Variants in PASD1 observed in about 807,000 individuals in gnomAD.
PASD1 encodes the protein circadian clock protein PASD1.
PASD1 carries 13 observed loss-of-function variants against 58.8 expected under a neutral mutation model. That is an observed-to-expected ratio of 0.22 (90% confidence interval 0.14 to 0.35). The LOEUF (loss-of-function observed/expected upper bound fraction) is 0.35, where lower values mean the gene tolerates loss of function less well. PASD1 is among the 10% of genes least tolerant of loss of function. The pLI, the probability that PASD1 is intolerant of heterozygous loss-of-function variation, is 1.00. For synonymous variants in PASD1, 236 were observed against 216.7 expected, an observed-to-expected ratio of 1.09 and a Z score of -0.78; for missense variants, 734 against 568.3, an observed-to-expected ratio of 1.29 and a Z score of -2.96.
intron 8 of PASD1, chrX:151,641,240 A>G (rs1417867856): frequency 2.7e-5 from 3 of 111,239 alleles, no homozygotes; most frequent in Non-Finnish European, 5.7e-5. Flanking sequence ...GAGGAGTTCA[A>G]AATGGCCCTT....
chrX:151,672,176 G>A lies in PASD1; in HGVS notation c.1438-7G>A, dbSNP rs1398006785. On this transcript the variant is annotated splice_region_variant and splice_polypyrimidine_tract_variant and intron_variant, in intron 13 of 15. Coordinates refer to ENST00000370357, the MANE Select transcript of PASD1 (RefSeq NM_173493.3). ...AGGGTGCTTTTATCTGTTGCCTTTC[G>A]ATGCAGCAGCAACTGGTGCAGCAAG... 5 of 1,142,680 alleles carry A rather than the reference G, an allele frequency of 4.4e-6. No individual in the cohort carries two copies. Among genetic ancestry groups the A allele is most frequent in the Middle Eastern group, 3.2e-4 (1 of 3,154 alleles). 94.2% of individuals were successfully genotyped at this position (1,142,680 alleles called of 1,213,427 possible). A position where few individuals can be genotyped will look rare whatever the true frequency, so the allele number is the denominator to read the frequency against.
chrX:151,638,244 T>C (rs988801446), intron 8 of PASD1, among the ~76,000 whole-genome samples: 1 of 105,991 alleles, frequency 9.4e-6, no homozygotes, highest in African/African-American at 3.5e-5. Flanking sequence ...AATTGAGAAA[T>C]GAGAACACTT....
rs745577380 is a variant in PASD1, at chrX:151,671,670, A to G, written c.1328A>G (p.Lys443Arg). Residue 443 changes from lysine (K) to arginine (R), a missense_variant, in exon 13 of 16, where the codon AAG becomes AGG. Physicochemically the swap from Lys to Arg is conservative, Grantham distance 26. Coordinates refer to ENST00000370357, the MANE Select transcript of PASD1 (RefSeq NM_173493.3). The stretch of plus-strand genomic sequence containing the variant: ...CAGAAACAACACGCTGGGCAAGTGA[A>G]GCGGCCTCTCCCACATCCCAAGGAC... ...KQQKQHAGQV[K>R]RPLPHPKDVK... 4.1e-6 allele frequency: 5 copies of G among 1,208,837 alleles called. No homozygotes were observed. The highest frequency in any genetic ancestry group is 5.6e-6 in the Non-Finnish European group (5 of 893,865).
chrX:151,638,167 C>T (rs996928180), intron 8 of PASD1, among the ~76,000 whole-genome samples: 2 of 110,655 alleles, frequency 1.8e-5, no homozygotes, highest in African/African-American at 3.3e-5. Flanking sequence ...TCATACAAAA[C>T]GATCATTCTC....
chrX:151,659,767 A>G lies in PASD1; in HGVS notation c.772A>G (p.Met258Val), dbSNP rs80111059. Residue 258 changes from methionine to valine, a missense_variant, in exon 10 of 16, where the codon ATG becomes GTG. Met to Val is a conservative substitution (Grantham distance 21, BLOSUM62 1). Transcript: ENST00000370357. ...GTATGGACCACAAGAAAACGTTCAC[A>G]TGTTTGTAGATTCTGATTCAACTTA... The part of the protein sequence containing the change: ...EQYGPQENVH[M>V]FVDSDSTYCS... 4.6e-4 allele frequency: 558 copies of G among 1,200,280 alleles called. 2 individuals are homozygous for G. In the African/African-American group the frequency reaches 8.6e-3, roughly 19 times the overall value.
chrX:151,641,475 C>T (rs1435966074), intron 8 of PASD1, among the ~76,000 whole-genome samples: 1 of 111,539 alleles, frequency 9.0e-6, no homozygotes, highest in African/African-American at 3.3e-5. Context: ...CTGAACTAAT[C>T]TATATGGTGT....
intron 1 of PASD1, among the ~76,000 whole-genome samples, chrX:151,584,648 T>C (rs1455856836): frequency 1.8e-5 from 2 of 111,823 alleles, no homozygotes; most frequent in African/African-American, 6.5e-5. Context: ...TTGGAATTGA[T>C]TTGTCTTGTA....
At chrX:151,662,671 C>T (rs1431460243) in intron 10 of PASD1, among the ~76,000 whole-genome samples, 2 of 112,017 alleles carry the variant, frequency 1.8e-5, no homozygotes, top group Non-Finnish European at 3.8e-5. Flanking sequence ...GTTCCTACTC[C>T]AGCCCAGTAT....
chrX:151,663,765 G>A (rs1296792501), intron 10 of PASD1, among the ~76,000 whole-genome samples: 2 of 112,010 alleles, frequency 1.8e-5, no homozygotes, highest in African/African-American at 3.2e-5. Context: ...TGGGCAACCC[G>A]ATTGTGCAGA....
intron 1 of PASD1, among the ~76,000 whole-genome samples, chrX:151,597,041 A>G (rs1266632539): frequency 2.7e-5 from 3 of 112,151 alleles, no homozygotes; most frequent in Non-Finnish European, 5.6e-5. Context: ...CTTTCTTAAT[A>G]CCCTGCTGGT....
chrX:151,642,418 T>C (rs761382209), intron 8 of PASD1, among the ~76,000 whole-genome samples: 1 of 112,440 alleles, frequency 8.9e-6, no homozygotes, highest in Non-Finnish European at 1.9e-5. Context: ...ATGCAATGAC[T>C]ACATTCTTGA....
intron 3 of PASD1, among the ~76,000 whole-genome samples, chrX:151,610,401 C>A (rs1280399734): frequency 9.0e-6 from 1 of 111,318 alleles, no homozygotes; most frequent in Non-Finnish European, 1.9e-5. Context: ...TGTTTTATAT[C>A]TCACGAGTCA....
chrX:151,574,537 A>C (rs369802934), intron 1 of PASD1, among the ~76,000 whole-genome samples: 2 of 111,794 alleles, frequency 1.8e-5, no homozygotes, highest in South Asian at 7.5e-4. Context: ...AATCTGGAAA[A>C]ACTTGAAAAA....
intron 10 of PASD1, among the ~76,000 whole-genome samples, chrX:151,662,473 G>A (rs1020720781): frequency 2.7e-5 from 3 of 110,705 alleles, no homozygotes; most frequent in Non-Finnish European, 5.7e-5. Context: ...TTGGAGAGTG[G>A]TATTTAGAAA....
At chrX:151,585,244 A>G (rs760494455) in intron 1 of PASD1, among the ~76,000 whole-genome samples, 1 of 112,260 alleles carries the variant, frequency 8.9e-6, no homozygotes, top group East Asian at 2.8e-4. Flanking sequence ...TCTTTGATCT[A>G]CTACTTACTA....
chrX:151,571,287 T>A (rs1303441822), intron 1 of PASD1, among the ~76,000 whole-genome samples: 3 of 111,493 alleles, frequency 2.7e-5, no homozygotes, highest in African/African-American at 9.8e-5. Context: ...CAACATTATG[T>A]CTTTATCTGT....
intron 12 of PASD1, 25 bp downstream of exon 12, chrX:151,671,221 G>C (rs779544101): frequency 1.4e-5 from 17 of 1,202,491 alleles, no homozygotes; most frequent in Non-Finnish European, 1.8e-5. Flanking sequence ...TAGGTTTCAG[G>C]TCAGAGACCA....
At chrX:151,641,247 C>T (rs1308764334) in intron 8 of PASD1, 1 of 110,049 alleles carries the variant, frequency 9.1e-6, no homozygotes, top group Non-Finnish European at 1.9e-5. Flanking sequence ...TCAAAATGGC[C>T]CTTTAGAGAG....
intron 3 of PASD1, among the ~76,000 whole-genome samples, chrX:151,607,623 G>A (rs55897604): frequency 0.27 from 29,618 of 110,952 alleles, 3,173 homozygotes; most frequent in Non-Finnish European, 0.34. Flanking sequence ...GAAATAGTCT[G>A]TATAGGGGAG....
Sources: gnomAD v4.1 joint callset for allele counts (sites outside exome capture counted in the v4.1 genomes callset) on GRCh38, gnomAD v4.1.1 for gene constraint, MANE v1.5 for transcripts, NCBI Gene and HGNC (gene_info 2026-07-23, HGNC 2026-07-21) for gene names.